Variants in GNB1L observed in about 807,000 individuals in gnomAD.
The protein encoded by GNB1L is G protein subunit beta 1 like.
In GNB1L, 20 loss-of-function variants were observed where a neutral mutation model predicts 29.1. That is an observed-to-expected ratio of 0.69 (90% CI 0.48 to 1.00). The LOEUF is 1.00. GNB1L is among the 50% of genes least tolerant of loss of function. GNB1L has a pLI of 0.00. For synonymous variants in GNB1L, 193 were observed against 206.5 expected, an observed-to-expected ratio of 0.93 and a Z score of 0.56; for missense variants, 421 against 464.9, an observed-to-expected ratio of 0.91 and a Z score of 0.87.
chr22:19,851,711 C>G, intron 2 of GNB1L: 3 of 1,602,546 alleles, frequency 1.9e-6, no homozygotes, highest in South Asian at 1.1e-5. Flanking sequence ...CTCAGCAAAA[C>G]TGTTCGGGTC....
At position 19,788,717 on chromosome 22, in the gene GNB1L, G is replaced by A. The variant is rs150948457; in HGVS notation, c.976C>T (p.Arg326Cys). Residue 326 changes from arginine (R) to cysteine (C), a missense_variant, in exon 8 of 8, where the codon CGC (arginine) becomes TGC (cysteine). Arg to Cys is a radical substitution (Grantham distance 180). Transcript: ENST00000329517. ...QRISLWSLYP[R>C]A ...GGAAGGGAGTGGGTGAGTCATGCGC[G>A]TGGGTAGAGTGACCAGAGGCTGATC... The A allele has an allele frequency of 1.6e-4, 251 of 1,611,006 alleles. No individual in the cohort carries two copies. The Middle Eastern group carries it at 2.6e-3, about 17-fold the overall frequency.
At position 19,796,575 on chromosome 22, in the gene GNB1L, A is replaced by AT. The variant is rs542143045; in HGVS notation, c.732+5425_732+5426insA. 1.7e-4 allele frequency among the ~76,000 whole-genome samples: 26 copies of AT among 152,368 alleles called. No homozygotes were observed. In the South Asian group the frequency reaches 5.4e-3, roughly 32 times the overall value. On this transcript the variant is annotated intron_variant, in intron 7 of 7. Coordinates refer to ENST00000329517, the MANE Select transcript of GNB1L (RefSeq NM_053004.3). ...AAAAAATCAAACATTCAGAACCATA[A>AT]AAACATTCTAATTAACTCAGCAGCC...
chr22:19,843,805 T>C (rs1348090140), intron 2 of GNB1L, among the ~76,000 whole-genome samples: 3 of 152,224 alleles, frequency 2.0e-5, no homozygotes, highest in Non-Finnish European at 4.4e-5. Flanking sequence ...TACAGTCCTG[T>C]AGGCCCCGAC....
intron 5 of GNB1L, among the ~76,000 whole-genome samples, chr22:19,811,760 C>T (rs1937503229): frequency 6.6e-6 from 1 of 152,072 alleles, no homozygotes; most frequent in Non-Finnish European, 1.5e-5. Flanking sequence ...TGTGCCTGCA[C>T]CCACCCATCC....
intron 2 of GNB1L, chr22:19,848,821 G>A: frequency 1.0e-6 from 1 of 985,170 alleles, no homozygotes; most frequent in Non-Finnish European, 1.2e-6. Context: ...GCAATCCCAG[G>A]CTGGAGTATC....
At chr22:19,852,093 A>C in intron 2 of GNB1L, 1 of 1,614,182 alleles carries the variant, frequency 6.2e-7, no homozygotes, top group Non-Finnish European at 8.5e-7. Context: ...GTTCGCACAC[A>C]CACGGTGTCC....
chr22:19,790,541 G>A (rs141078496), intron 7 of GNB1L, among the ~76,000 whole-genome samples: 2 of 151,872 alleles, frequency 1.3e-5, no homozygotes, highest in African/African-American at 2.4e-5. Flanking sequence ...GCTGAGTGTG[G>A]TGGCTCATGC....
At chr22:19,843,647 C>T (rs529329875) in intron 2 of GNB1L, among the ~76,000 whole-genome samples, 1 of 152,260 alleles carries the variant, frequency 6.6e-6, no homozygotes, top group South Asian at 2.1e-4. Flanking sequence ...GACAACTTGG[C>T]CTGAGGCCCA....
intron 6 of GNB1L, among the ~76,000 whole-genome samples, chr22:19,804,703 G>A (rs1433354094): frequency 2.0e-5 from 3 of 151,928 alleles, no homozygotes; most frequent in African/African-American, 7.3e-5. Flanking sequence ...GGATGGAAAA[G>A]GGAACATGTG....
In GNB1L at chr22:19,851,792, T is replaced by G. The variant is rs373296561; in HGVS notation, c.-21+2651A>C. On this transcript the variant is annotated intron_variant, in intron 2 of 7. Transcript: ENST00000329517. ...AGGCAGGGGCAGGTCCCCATCAAGG[T>G]AGGGGGCTGCCCAGGCCTGGGCTCG... The G allele has an allele frequency of 3.1e-6, 5 of 1,613,732 alleles. No homozygotes were observed. The African/African-American group carries it at 6.7e-5, about 22-fold the overall frequency.
intron 2 of GNB1L, among the ~76,000 whole-genome samples, chr22:19,854,169 G>C (rs538275460): frequency 6.6e-5 from 10 of 152,166 alleles, no homozygotes; most frequent in Non-Finnish European, 5.9e-5. Flanking sequence ...ACACTGCCTG[G>C]CATAGAAGAC....
At chr22:19,849,714 A>G (rs1938050491) in intron 2 of GNB1L, 1 of 985,254 alleles carries the variant, frequency 1.0e-6, no homozygotes, top group Admixed American at 6.1e-5. Flanking sequence ...GTTTTTCCTA[A>G]AATAGTTGGC....
chr22:19,832,776 T>TA (rs1217169356), intron 2 of GNB1L, among the ~76,000 whole-genome samples: 1 of 151,912 alleles, frequency 6.6e-6, no homozygotes, highest in South Asian at 2.1e-4. Context: ...TGGGGAGAGC[T>TA]AAAAAAAGTT....
chr22:19,795,519 G>T (rs1174022722), intron 7 of GNB1L, among the ~76,000 whole-genome samples: 1 of 152,072 alleles, frequency 6.6e-6, no homozygotes, highest in Non-Finnish European at 1.5e-5. Context: ...CCAAAAGCAA[G>T]CCTCCATAAA....
intron 2 of GNB1L, chr22:19,848,252 C>T: frequency 4.1e-6 from 4 of 985,446 alleles, no homozygotes; most frequent in South Asian, 4.7e-5. Context: ...AGGACTGACA[C>T]CATGATTAGA....
intron 2 of GNB1L, chr22:19,850,335 G>C: frequency 2.0e-6 from 2 of 984,890 alleles, no homozygotes; most frequent in Non-Finnish European, 1.2e-6. Flanking sequence ...TCTGCCAGGA[G>C]GGAGATCCAA....
Position 19,802,088 on chromosome 22 carries a change from G to A in GNB1L, c.645C>T (p.Asp215=). ...ACHEEPVMDL[D]FDSQKARGIS... is the part of the protein sequence containing the mutation. The stretch of plus-strand genomic sequence containing the variant: ...TGCCCCTGGCCTTCTGGGAGTCAAA[G>A]TCAAGGTCCATGACGGGCTCCTCAT... Residue 215 remains aspartate (D), a synonymous_variant, in exon 7 of 8, where the codon GAC becomes GAT. Transcript: ENST00000329517. 1 of 1,613,560 alleles carries A rather than the reference G, an allele frequency of 6.2e-7. No homozygotes were observed. The highest frequency in any genetic ancestry group is 1.1e-5 in the South Asian group (1 of 91,068).
chr22:19,806,554 G>A (rs1344195511), intron 6 of GNB1L, 105 bp downstream of exon 6: 9 of 684,604 alleles, frequency 1.3e-5, no homozygotes, highest in Middle Eastern at 3.9e-4. Context: ...CAGGGGGGTG[G>A]GGTGTTGCCT....
intron 2 of GNB1L, among the ~76,000 whole-genome samples, chr22:19,824,433 C>T (rs1335805369): frequency 2.0e-5 from 3 of 152,204 alleles, no homozygotes; most frequent in African/African-American, 4.8e-5. Context: ...GAACAGGAAA[C>T]TTAATCCACA....
Sources: gnomAD v4.1 joint callset for allele counts (sites outside exome capture counted in the v4.1 genomes callset) on GRCh38, gnomAD v4.1.1 for gene constraint, MANE v1.5 for transcripts, NCBI Gene and HGNC (gene_info 2026-07-23, HGNC 2026-07-21) for gene names.